Variants in ZNF783 observed in about 807,000 individuals in gnomAD.
ZNF783 encodes the protein zinc finger protein 783, also known as protein ZNF783.
In ZNF783, 25 loss-of-function variants were observed where a neutral mutation model predicts 31.3. The ratio of observed to expected loss-of-function variants is 0.80; its 90% CI spans 0.58 to 1.11. The LOEUF (loss-of-function observed/expected upper bound fraction) is 1.11, where lower values mean the gene tolerates loss of function less well. ZNF783 is among the 50% of genes most tolerant of loss of function. ZNF783 has a pLI of 0.00. For missense variants in ZNF783, 797 were observed against 760.0 expected, an observed-to-expected ratio of 1.05 and a Z score of -0.57; for synonymous variants, 369 against 319.1, an observed-to-expected ratio of 1.16 and a Z score of -1.66.
intron 1 of ZNF783, among the ~76,000 whole-genome samples, chr7:149,264,014 G>A (rs1255125016): frequency 3.9e-5 from 6 of 152,096 alleles, no homozygotes. Flanking sequence ...CTACCTTTCA[G>A]ATCACTCCTG....
At chr7:149,276,368 A>C in intron 4 of ZNF783, 1 of 989,374 alleles carries the variant, frequency 1.0e-6, no homozygotes, top group African/African-American at 1.7e-5. Context: ...TCCAAAGATG[A>C]AACTTCAGAG....
intron 1 of ZNF783, among the ~76,000 whole-genome samples, chr7:149,263,136 C>A (rs551294514): frequency 1.5e-4 from 23 of 151,768 alleles, no homozygotes; most frequent in Admixed American, 1.2e-3. Context: ...ACTATGTTGG[C>A]CAGGCTGGTC....
In ZNF783 at chr7:149,262,278, C is replaced by A; in HGVS notation, c.-56C>A. On this transcript the variant is annotated 5_prime_UTR_variant, in exon 1 of 6. Transcript: ENST00000434415. ...CTTCCGCCGTCGCTGCCGCGCCGCC[C>A]CGGGCCCGACAGGCCGGGTCCAGGG... 7.5e-7 allele frequency: 1 copy of A among 1,327,846 alleles called. No individual in the cohort carries two copies. The highest frequency in any genetic ancestry group is 9.6e-7 in the Non-Finnish European group (1 of 1,036,468). 82.3% of individuals were successfully genotyped at this position (1,327,846 alleles called of 1,614,324 possible).
Position 149,266,939 on chromosome 7 carries a change from T to C in ZNF783, c.541T>C (p.Ser181Pro). 1 of 1,614,072 alleles carries C rather than the reference T, an allele frequency of 6.2e-7. No homozygotes were observed. The highest frequency in any genetic ancestry group is 8.5e-7 in the Non-Finnish European group (1 of 1,180,000). ...VMRGNYETLV[S>P]LDYAISKPDI... The stretch of plus-strand genomic sequence containing the variant: ...GAGGGGCAACTACGAGACGCTGGTC[T>C]CCCTGGGTAAGGCCACGGAGGGAGG... Residue 181 changes from serine to proline, a missense_variant, in exon 3 of 6, where the codon TCC (serine) becomes CCC (proline). Transcript: ENST00000434415.
intron 4 of ZNF783, chr7:149,278,058 C>A: frequency 1.2e-5 from 9 of 734,836 alleles, no homozygotes; most frequent in Non-Finnish European, 1.6e-5. Context: ...GGAGGAGGCC[C>A]GACTGCGGGA....
chr7:149,266,024 C>A (rs1358815844), intron 1 of ZNF783, among the ~76,000 whole-genome samples: 1 of 152,204 alleles, frequency 6.6e-6, no homozygotes, highest in Non-Finnish European at 1.5e-5. Flanking sequence ...TTGTTTGAGA[C>A]TGCACGTGGT....
rs926419542 is a variant in ZNF783 at position 149,284,464 on chromosome 7, C to G, written c.*2121C>G. 2 of 152,380 alleles carry G rather than the reference C, an allele frequency of 1.3e-5. No individual in the cohort carries two copies. The allele number at this position is 152,380 out of a possible 1,614,324, so 9.4% of individuals were successfully genotyped here. A position where few individuals can be genotyped will look rare whatever the true frequency, so the allele number is the denominator to read the frequency against. ...CTGCTTGTCTGCTCTGGAGTCCCCC[C>G]ACCCTTGCCAGGAGCTTCACAAACC... is the stretch of plus-strand genomic sequence containing the variant. On this transcript the variant is annotated 3_prime_UTR_variant, in exon 6 of 6. Coordinates refer to ENST00000434415, the MANE Select transcript of ZNF783 (RefSeq NM_001195220.2).
intron 1 of ZNF783, among the ~76,000 whole-genome samples, chr7:149,264,334 G>A (rs933302035): frequency 2.0e-5 from 3 of 152,172 alleles, no homozygotes; most frequent in Non-Finnish European, 4.4e-5. Context: ...TCTTAAAAAC[G>A]AGAGAGACTC....
Position 149,282,196 on chromosome 7 carries a change from G to C in ZNF783, c.1494G>C (p.Gln498His). The C allele has an allele frequency of 6.2e-7, 1 of 1,600,254 alleles. No homozygotes were observed. Among genetic ancestry groups the C allele is most frequent in the Non-Finnish European group, 8.5e-7 (1 of 1,179,558 alleles). The change falls in exon 6 of 6, where the codon CAG becomes CAC. Residue 498 changes from glutamine to histidine, a missense_variant. Coordinates refer to ENST00000434415, the MANE Select transcript of ZNF783 (RefSeq NM_001195220.2). Reference sequence around the variant, plus strand: ...GTGAGCGGCCCTACCAGTGCCCCCAGTGTGGCCGGACCTTCAACCGCAACC... The same window carrying C: ...GTGAGCGGCCCTACCAGTGCCCCCACTGTGGCCGGACCTTCAACCGCAACC... ...HTGERPYQCPQCGRTFNRNHH... is the reference protein window; with the variant it reads ...HTGERPYQCPHCGRTFNRNHH...
intron 4 of ZNF783, among the ~76,000 whole-genome samples, chr7:149,268,274 G>A (rs78404978): frequency 6.1e-4 from 93 of 151,950 alleles, no homozygotes; most frequent in African/African-American, 2.1e-3. Context: ...CCTTTGTTTT[G>A]TTTTCCCTAG....
intron 5 of ZNF783, 94 bp downstream of exon 5, chr7:149,278,621 G>A: frequency 6.4e-7 from 1 of 1,550,574 alleles, no homozygotes. Context: ...CTGGAAGCAT[G>A]GGGCTGGGAG....
intron 4 of ZNF783, among the ~76,000 whole-genome samples, chr7:149,271,925 G>A (rs1184194454): frequency 6.6e-6 from 1 of 152,118 alleles, no homozygotes; most frequent in Non-Finnish European, 1.5e-5. Context: ...GGACATTTAG[G>A]GTATTTCCAG....
intron 1 of ZNF783, 92 bp from the exon 2 acceptor site, chr7:149,266,243 A>G (rs1797060863): frequency 1.4e-6 from 2 of 1,404,606 alleles, no homozygotes; most frequent in Non-Finnish European, 1.9e-6. Context: ...GGACTTTACC[A>G]TGGCAGGTGT....
At chr7:149,267,340 C>A in intron 4 of ZNF783, 118 bp downstream of exon 4, 1 of 1,388,824 alleles carries the variant, frequency 7.2e-7, no homozygotes, top group Non-Finnish European at 9.5e-7. Context: ...GACCATTAAC[C>A]CAAAGTGGGA....
intron 4 of ZNF783, among the ~76,000 whole-genome samples, chr7:149,272,049 A>G (rs1262040002): frequency 6.6e-6 from 1 of 151,866 alleles, no homozygotes; most frequent in Non-Finnish European, 1.5e-5. Flanking sequence ...AGTCTCACTC[A>G]CTCTGTTGCC....
At chr7:149,280,612 C>T (rs1797443956) in intron 5 of ZNF783, among the ~76,000 whole-genome samples, 1 of 152,204 alleles carries the variant, frequency 6.6e-6, no homozygotes, top group Non-Finnish European at 1.5e-5. Flanking sequence ...GGCATCAGAT[C>T]CCAGGCATGT....
intron 4 of ZNF783, among the ~76,000 whole-genome samples, chr7:149,267,778 C>T (rs953968840): frequency 2.0e-5 from 3 of 151,758 alleles, no homozygotes; most frequent in Admixed American, 1.3e-4. Flanking sequence ...GCCTGGGTGA[C>T]GGAGCAAGAC....
intron 1 of ZNF783, among the ~76,000 whole-genome samples, chr7:149,265,174 T>G (rs1455308447): frequency 1.3e-5 from 2 of 152,168 alleles, no homozygotes; most frequent in African/African-American, 2.4e-5. Flanking sequence ...GAAGGATGAA[T>G]GAAATTGAGG....
At chr7:149,270,954 G>T (rs1362304999) in intron 4 of ZNF783, among the ~76,000 whole-genome samples, 1 of 151,988 alleles carries the variant, frequency 6.6e-6, no homozygotes, top group African/African-American at 2.4e-5. Flanking sequence ...ATGTTCTTTG[G>T]TTTTTTTTCT....
Sources: allele counts gnomAD v4.1 joint callset (sites outside exome capture counted in the v4.1 genomes callset), GRCh38; gene constraint gnomAD v4.1.1; transcripts MANE v1.5; gene names NCBI Gene and HGNC (gene_info 2026-07-23, HGNC 2026-07-21).